Variants in LRRC1 observed in about 807,000 individuals in gnomAD.
LRRC1 encodes the protein leucine rich repeat containing 1.
In LRRC1, 28 loss-of-function variants were observed where a neutral mutation model predicts 69.9. The observed-to-expected ratio is 0.40, with a 90% confidence interval of 0.30 to 0.55. The LOEUF (loss-of-function observed/expected upper bound fraction) is 0.55, where lower values mean the gene tolerates loss of function less well. Ranked by LOEUF, LRRC1 falls within the 20% of genes least tolerant of loss-of-function variation. LRRC1 has a pLI of 0.47. For missense variants in LRRC1, 498 were observed against 609.0 expected, an observed-to-expected ratio of 0.82 and a Z score of 1.92; for synonymous variants, 236 against 240.2, an observed-to-expected ratio of 0.98 and a Z score of 0.16.
chr6:53,913,277 T>C (rs1768468917), intron 10 of LRRC1, among the ~76,000 whole-genome samples: 1 of 152,098 alleles, frequency 6.6e-6, no homozygotes, highest in Non-Finnish European at 1.5e-5. Context: ...CCACATTAAT[T>C]TGTGAATGAC....
At chr6:53,906,770 G>T (rs1434581886) in intron 10 of LRRC1, among the ~76,000 whole-genome samples, 2 of 152,212 alleles carry the variant, frequency 1.3e-5, no homozygotes, top group East Asian at 1.9e-4. Flanking sequence ...GAGAAATTAT[G>T]ATTGGTTTTC....
At chr6:53,813,352 C>T (rs17748374) in intron 1 of LRRC1, among the ~76,000 whole-genome samples, 21,051 of 151,962 alleles carry the variant, frequency 0.14, 1,574 homozygotes, top group Non-Finnish European at 0.17. Context: ...GGATCAGCTC[C>T]ATGAGGGACC....
intron 2 of LRRC1, among the ~76,000 whole-genome samples, chr6:53,850,873 T>C (rs1257832267): frequency 1.3e-5 from 2 of 152,196 alleles, no homozygotes; most frequent in African/African-American, 2.4e-5. Context: ...GGCCACAAAG[T>C]CTTTATGGGA....
At chr6:53,908,148 G>A (rs546446140) in intron 10 of LRRC1, among the ~76,000 whole-genome samples, 4 of 152,176 alleles carry the variant, frequency 2.6e-5, no homozygotes, top group Non-Finnish European at 5.9e-5. Context: ...GGAGTTGGTG[G>A]TATATGTGTG....
In LRRC1 at chr6:53,795,431, C is replaced by T. The variant is rs376442421; in HGVS notation, c.159+16C>T. 50 of 1,602,402 alleles carry T rather than the reference C, an allele frequency of 3.1e-5. No homozygotes were observed. Among genetic ancestry groups the T allele is most frequent in the Non-Finnish European group, 4.1e-5 (48 of 1,176,736 alleles). On this transcript the variant is annotated intron_variant, in intron 1 of 13. Transcript: ENST00000370888. ...GCTGCCCGAGGTAAGGGTCCGGCCT[C>T]ACCTGAGCGCTCTGCCCGCTCGTCT...
At chr6:53,910,863 G>C (rs934407972) in intron 10 of LRRC1, among the ~76,000 whole-genome samples, 3 of 152,190 alleles carry the variant, frequency 2.0e-5, no homozygotes, top group Non-Finnish European at 4.4e-5. Flanking sequence ...TATCTTTTCA[G>C]TTATGGGTTT....
intron 1 of LRRC1, among the ~76,000 whole-genome samples, chr6:53,830,941 T>TAC (rs1765409478): frequency 5.7e-5 from 2 of 35,006 alleles, no homozygotes; most frequent in African/African-American, 1.5e-4. Context: ...TAATAGTTAT[T>TAC]ATAATTTTAT....
At chr6:53,878,562 G>T (rs1767151747) in intron 2 of LRRC1, among the ~76,000 whole-genome samples, 1 of 152,158 alleles carries the variant, frequency 6.6e-6, no homozygotes, top group African/African-American at 2.4e-5. Context: ...AATCTAATGT[G>T]GGCGCTGATC....
chr6:53,813,692 C>T (rs1269742263), intron 1 of LRRC1, among the ~76,000 whole-genome samples: 2 of 152,040 alleles, frequency 1.3e-5, no homozygotes, highest in Non-Finnish European at 2.9e-5. Context: ...TTTGACTCTG[C>T]GGGCTGCCTG....
chr6:53,834,788 A>G (rs1272158783), intron 1 of LRRC1, among the ~76,000 whole-genome samples: 1 of 152,146 alleles, frequency 6.6e-6, no homozygotes, highest in African/African-American at 2.4e-5. Context: ...CCTGGCTAAC[A>G]TGGTGAAACC....
intron 2 of LRRC1, among the ~76,000 whole-genome samples, chr6:53,845,421 G>T (rs1765912327): frequency 6.6e-6 from 1 of 152,312 alleles, no homozygotes; most frequent in African/African-American, 2.4e-5. Context: ...TGCAGCTGGA[G>T]AGGCGATGTG....
In LRRC1 at chr6:53,923,355, A is replaced by G. The variant is rs1195751748; in HGVS notation, c.*562A>G. On this transcript the variant is annotated 3_prime_UTR_variant, in exon 14 of 14. Transcript: ENST00000370888. Reference sequence around the variant, plus strand: ...GTATTTGTGCAGAAAAACAAGTCCTAAAGTATTTGTTTTTATTTGTACCAT... The same window carrying G: ...GTATTTGTGCAGAAAAACAAGTCCTGAAGTATTTGTTTTTATTTGTACCAT... The G allele has an allele frequency of 1.3e-5, 2 of 152,644 alleles. No homozygotes were observed. The allele number at this position is 152,644 out of a possible 1,614,324, so 9.5% of individuals were successfully genotyped here.
intron 1 of LRRC1, among the ~76,000 whole-genome samples, chr6:53,820,190 C>T (rs1026683939): frequency 4.6e-5 from 7 of 151,816 alleles, no homozygotes; most frequent in African/African-American, 1.7e-4. Flanking sequence ...GTTTCAGGAA[C>T]CCTGAAAATG....
chr6:53,846,245 T>C (rs1357699427), intron 2 of LRRC1, among the ~76,000 whole-genome samples: 1 of 152,236 alleles, frequency 6.6e-6, no homozygotes, highest in African/African-American at 2.4e-5. Context: ...AATTGTGTGC[T>C]GTGTTGGAAA....
intron 1 of LRRC1, among the ~76,000 whole-genome samples, chr6:53,808,682 T>C (rs577715334): frequency 3.8e-5 from 2 of 53,306 alleles, no homozygotes; most frequent in East Asian, 1.5e-3. Context: ...CCAGATCCAG[T>C]GTTCCTTATC....
At chr6:53,807,793 C>T (rs1420455402) in intron 1 of LRRC1, among the ~76,000 whole-genome samples, 1 of 152,038 alleles carries the variant, frequency 6.6e-6, no homozygotes, top group Non-Finnish European at 1.5e-5. Flanking sequence ...CCCCCCAAAA[C>T]AAGGAAGTAC....
intron 10 of LRRC1, among the ~76,000 whole-genome samples, chr6:53,911,676 C>G (rs906509208): frequency 2.0e-5 from 3 of 152,206 alleles, no homozygotes; most frequent in African/African-American, 7.2e-5. Flanking sequence ...CCTCTGAACC[C>G]CAGCCTGACA....
chr6:53,917,066 C>T (rs1768588477), intron 11 of LRRC1, among the ~76,000 whole-genome samples: 2 of 152,028 alleles, frequency 1.3e-5, no homozygotes, highest in Admixed American at 1.3e-4. Context: ...ACAGAAGGTA[C>T]CAGAATAAAC....
At chr6:53,845,503 C>T (rs1765914606) in intron 2 of LRRC1, among the ~76,000 whole-genome samples, 1 of 152,152 alleles carries the variant, frequency 6.6e-6, no homozygotes, top group East Asian at 1.9e-4. Context: ...GTGTGGGCCT[C>T]TGGTCTTCTG....
Sources: allele counts gnomAD v4.1 joint callset (sites outside exome capture counted in the v4.1 genomes callset), GRCh38; gene constraint gnomAD v4.1.1; transcripts MANE v1.5; gene names NCBI Gene and HGNC (gene_info 2026-07-23, HGNC 2026-07-21).